Variants in ENTPD5 observed in about 807,000 individuals in gnomAD.
ENTPD5 encodes the protein nucleoside diphosphate phosphatase ENTPD5.
A neutral mutation model predicts 60.2 loss-of-function variants in ENTPD5; 49 were observed. That is an observed-to-expected ratio of 0.81 (90% CI 0.65 to 1.03). The LOEUF (loss-of-function observed/expected upper bound fraction) is 1.03. ENTPD5 is among the 50% of genes least tolerant of loss of function. ENTPD5 has a pLI of 0.00. For synonymous variants in ENTPD5, 187 were observed against 185.4 expected (o/e 1.01, Z -0.07); for missense variants, 480 against 507.6 (o/e 0.95, Z 0.52).
chr14:73,961,216 C>T (rs757949655), downstream of ENTPD5: 4 of 1,614,054 alleles, frequency 2.5e-6, no homozygotes, highest in Middle Eastern at 1.6e-4. Flanking sequence ...ACAGCTGGTG[C>T]CATGCTGCAG....
chr14:73,964,637 C>T lies in ENTPD5; in HGVS notation c.*2291G>A, dbSNP rs1263496951. The T allele has an allele frequency of 3.9e-5, 6 of 152,218 alleles. No individual in the cohort carries two copies. Among genetic ancestry groups the T allele is most frequent in the Non-Finnish European group, 7.3e-5 (5 of 68,044 alleles). The allele number at this position is 152,218 out of a possible 1,614,324, so 9.4% of individuals were successfully genotyped here. ...TGAACACAGCTTACCTCTTTTAAAA[C>T]TGCTGGTTTCTACTGAAGGAAACAT... On this transcript the variant is annotated 3_prime_UTR_variant, in exon 16 of 16. Transcript: ENST00000334696.
intron 3 of ENTPD5, among the ~76,000 whole-genome samples, chr14:73,991,355 A>G (rs1436581948): frequency 6.6e-6 from 1 of 152,104 alleles, no homozygotes; most frequent in Non-Finnish European, 1.5e-5. Flanking sequence ...TGGGAGGCCA[A>G]TGCTGGCGGA....
chr14:73,983,158 C>A lies in ENTPD5; in HGVS notation c.301G>T (p.Ala101Ser). Residue 101 changes from alanine to serine, a missense_variant, in exon 6 of 16, where the codon GCT becomes TCT. Coordinates refer to ENST00000334696, the MANE Select transcript of ENTPD5 (RefSeq NM_001249.5). ...TCTAAGAGCCCTTGAACGGTCTCAG[C>A]ACCCTTCAAAAGAGATAACCCGTTC... is the stretch of plus-strand genomic sequence containing the variant. ...SAFVDQPKQGAETVQGLLEVA... is the reference protein window; with the variant it reads ...SAFVDQPKQGSETVQGLLEVA... 1 of 1,612,006 alleles carries A rather than the reference C, an allele frequency of 6.2e-7. No homozygotes were observed. Among genetic ancestry groups the A allele is most frequent in the Non-Finnish European group, 8.5e-7 (1 of 1,179,020 alleles).
chr14:73,981,754 C>T (rs1427483592), intron 6 of ENTPD5, among the ~76,000 whole-genome samples: 1 of 151,010 alleles, frequency 6.6e-6, no homozygotes, highest in Non-Finnish European at 1.5e-5. Context: ...TTGCAGTGAG[C>T]CAAGATCGTG....
At chr14:73,996,023 C>T in intron 3 of ENTPD5, 1 of 416,672 alleles carries the variant, frequency 2.4e-6, no homozygotes, top group Non-Finnish European at 3.2e-6. Flanking sequence ...CCCAGAACGT[C>T]ACACTCTGGC....
rs141414847 is a variant in ENTPD5 at position 73,997,147 on chromosome 14, C to A, written c.-70-8975G>T. Among the ~76,000 whole-genome samples the A allele has an allele frequency of 2.7e-4, 41 of 152,086 alleles. No individual in the cohort carries two copies. In the East Asian group the frequency reaches 7.9e-3, roughly 29 times the overall value. On this transcript the variant is annotated intron_variant, in intron 3 of 15. Coordinates refer to ENST00000334696, the MANE Select transcript of ENTPD5 (RefSeq NM_001249.5). ...TAGGAATTATCCTGGGAAAATGACACAAGGAGGATTCTGAGAACTTCAAGT... is the reference window on the plus strand; with the variant it reads ...TAGGAATTATCCTGGGAAAATGACAAAAGGAGGATTCTGAGAACTTCAAGT...
At position 74,004,411 on chromosome 14, in the gene ENTPD5, C is replaced by T. The variant is rs150695633; in HGVS notation, c.-71+6680G>A. On this transcript the variant is annotated intron_variant, in intron 3 of 15. Coordinates refer to ENST00000334696, the MANE Select transcript of ENTPD5 (RefSeq NM_001249.5). ...CTCCTGACCTCAGGTGATCCACCTGCGTTGGCCTCCCAAAGTGCTGAGATT... is the reference window on the plus strand; with the variant it reads ...CTCCTGACCTCAGGTGATCCACCTGTGTTGGCCTCCCAAAGTGCTGAGATT... Among the ~76,000 whole-genome samples the T allele has an allele frequency of 3.7e-3, 564 of 152,256 alleles. 5 individuals carry two copies. Among genetic ancestry groups the T allele is most frequent in the African/African-American group, 0.013 (547 of 41,558 alleles).
chr14:73,958,728 G>C (rs2056562988), downstream of ENTPD5: 6 of 1,413,916 alleles, frequency 4.2e-6, no homozygotes, highest in Non-Finnish European at 5.5e-6. Context: ...TATCAGGAGG[G>C]CCTGGCTGAG....
Position 73,974,896 on chromosome 14 carries a change from C to T in ENTPD5, c.784+28G>A, listed in dbSNP as rs747110863. 11 of 1,590,140 alleles carry T rather than the reference C, an allele frequency of 6.9e-6. No homozygotes were observed. In the South Asian group the frequency reaches 7.8e-5, roughly 11 times the overall value. On this transcript the variant is annotated intron_variant, in intron 11 of 15. Transcript: ENST00000334696. Reference sequence around the variant, plus strand: ...GAGTATCTGTGTCACCCTCACCATCCCCCCCCAGCACAGGTACCCAGACAA... The same window carrying T: ...GAGTATCTGTGTCACCCTCACCATCTCCCCCCAGCACAGGTACCCAGACAA...
downstream of ENTPD5, chr14:73,961,903 A>G (rs748908168): frequency 6.2e-7 from 1 of 1,614,128 alleles, no homozygotes; most frequent in South Asian, 1.1e-5. Flanking sequence ...CTCCACTCAA[A>G]GTAAGAGGTT....
At chr14:74,016,082 T>C (rs566684761) in intron 1 of ENTPD5, among the ~76,000 whole-genome samples, 152 bp from the exon 2 acceptor site, 17 of 152,332 alleles carry the variant, frequency 1.1e-4, no homozygotes, top group African/African-American at 3.8e-4. Flanking sequence ...TACCAGTAAC[T>C]GTGGAAGGAA....
At position 73,983,070 on chromosome 14, in the gene ENTPD5, G is replaced by A. The variant is rs2057756884; in HGVS notation, c.389C>T (p.Thr130Ile). 6.2e-7 allele frequency: 1 copy of A among 1,614,220 alleles called. No individual in the cohort carries two copies. The highest frequency in any genetic ancestry group is 8.5e-7 in the Non-Finnish European group (1 of 1,180,016). The change falls in exon 6 of 16, where the codon ACA becomes ATA. Residue 130 changes from threonine (T) to isoleucine (I), a missense_variant. Thr to Ile is a moderately conservative substitution (Grantham distance 89). Transcript: ENST00000334696. The part of the protein sequence containing the change: ...WKKTPVVLKA[T>I]AGLRLLPEHK... The stretch of plus-strand genomic sequence containing the variant: ...TTCTGGCAGTAAGCGTAGTCCTGCT[G>A]TTGCCTTTAGGACCACTGGGGTCTT...
chr14:73,986,674 G>T, intron 5 of ENTPD5, 140 bp downstream of exon 5: 1 of 677,100 alleles, frequency 1.5e-6, no homozygotes. Flanking sequence ...ATTTTATCCA[G>T]GAGATTAGCT....
chr14:73,995,832 T>C (rs1215819143), intron 3 of ENTPD5, among the ~76,000 whole-genome samples: 1 of 152,028 alleles, frequency 6.6e-6, no homozygotes, highest in Non-Finnish European at 1.5e-5. Flanking sequence ...CCTTTCACAG[T>C]TGGTCTTCTC....
intron 3 of ENTPD5, chr14:73,996,125 T>C: frequency 1.0e-6 from 1 of 985,238 alleles, no homozygotes; most frequent in Non-Finnish European, 1.2e-6. Flanking sequence ...TGTCTGCCGG[T>C]TCCCTGAGTC....
In ENTPD5 at chr14:73,973,932, C is replaced by T. The variant is rs766741882; in HGVS notation, c.831G>A (p.Leu277=). The T allele has an allele frequency of 1.2e-6, 2 of 1,614,040 alleles. No homozygotes were observed. Among genetic ancestry groups the T allele is most frequent in the South Asian group, 1.1e-5 (1 of 91,086 alleles). Residue 277 remains leucine, a synonymous_variant, in exon 12 of 16, where the codon TTG becomes TTA. Transcript: ENST00000334696. ...CACCCCCAAAGATCCACTCTGCTTC[C>T]AACCATCTCGGTAAACAGGCACTCC... The part of the protein sequence containing the change: ...TFRSACLPRW[L]EAEWIFGGVK...
At chr14:73,968,950 C>T (rs1003134196) in intron 15 of ENTPD5, among the ~76,000 whole-genome samples, 1 of 152,156 alleles carries the variant, frequency 6.6e-6, no homozygotes, top group Admixed American at 6.5e-5. Context: ...ATTCAAGAGG[C>T]ATTAAATATA....
downstream of ENTPD5, chr14:73,961,402 T>C (rs754739863): frequency 8.7e-6 from 14 of 1,613,892 alleles, no homozygotes; most frequent in Non-Finnish European, 1.2e-5. Context: ...GCAGGGCCAC[T>C]CCCTTCTCAC....
chr14:73,981,987 G>A (rs577764473), intron 6 of ENTPD5, among the ~76,000 whole-genome samples: 1 of 152,218 alleles, frequency 6.6e-6, no homozygotes, highest in South Asian at 2.1e-4. Context: ...TGGTTTCAGG[G>A]GTGAGGGAAA....
Sources: allele counts gnomAD v4.1 joint callset (sites outside exome capture counted in the v4.1 genomes callset), GRCh38; gene constraint gnomAD v4.1.1; transcripts MANE v1.5; gene names NCBI Gene and HGNC (gene_info 2026-07-23, HGNC 2026-07-21).